The following COL25A1 variants were observed in gnomAD, a reference collection of about 807,000 sequenced individuals.
The protein encoded by COL25A1 is collagen alpha-1(XXV) chain.
A neutral mutation model predicts 128.4 loss-of-function variants in COL25A1; 103 were observed. The observed-to-expected ratio is 0.80, with a 90% CI of 0.68 to 0.94. The LOEUF (loss-of-function observed/expected upper bound fraction) is 0.94. Ranked by LOEUF, COL25A1 falls within the 40% of genes least tolerant of loss-of-function variation. The pLI is 0.00. For synonymous variants in COL25A1, 279 were observed against 277.2 expected (o/e 1.01, Z -0.06); for missense variants, 745 against 840.0 (o/e 0.89, Z 1.40).
chr4:109,006,154 A>G (rs1384393503), intron 6 of COL25A1, among the ~76,000 whole-genome samples: 1 of 152,004 alleles, frequency 6.6e-6, no homozygotes. Context: ...GGAAATTTTA[A>G]GAAAAATTTG....
chr4:109,299,567 C>T (rs997516883), intron 3 of COL25A1, among the ~76,000 whole-genome samples: 1 of 152,008 alleles, frequency 6.6e-6, no homozygotes, highest in Non-Finnish European at 1.5e-5. Context: ...GAGGGGGAAA[C>T]GTTTCAGAAT....
At position 109,171,388 on chromosome 4, in the gene COL25A1, A is replaced by T. The variant is rs143308664; in HGVS notation, c.368-121209T>A. Among the ~76,000 whole-genome samples, 57 of 152,286 alleles carry T rather than the reference A, an allele frequency of 3.7e-4. 2 individuals are homozygous for T. In the East Asian group the frequency reaches 9.8e-3, roughly 26 times the overall value. On this transcript the variant is annotated intron_variant, in intron 3 of 37. Coordinates refer to ENST00000399132, the MANE Select transcript of COL25A1 (RefSeq NM_198721.4). ...TATTTGAAGGTGGGGCCTTTCAGAG[A>T]TAATTAGGTCATGAGGGTGGAATTC...
chr4:108,917,781 C>A (rs2125895174), intron 13 of COL25A1, among the ~76,000 whole-genome samples: 1 of 152,306 alleles, frequency 6.6e-6, no homozygotes, highest in South Asian at 2.1e-4. Flanking sequence ...ATGAGAATAA[C>A]TTTTGTTAGC....
intron 3 of COL25A1, among the ~76,000 whole-genome samples, chr4:109,289,058 T>C (rs1407250612): frequency 1.3e-5 from 2 of 151,972 alleles, no homozygotes; most frequent in African/African-American, 4.8e-5. Flanking sequence ...GTGTAGTTGC[T>C]TTAGTAATGT....
chr4:108,866,852 G>A (rs1031760001), intron 20 of COL25A1, among the ~76,000 whole-genome samples: 5 of 152,196 alleles, frequency 3.3e-5, no homozygotes, highest in African/African-American at 9.7e-5. Context: ...GCACATGCAT[G>A]TTGCTGTTTT....
intron 3 of COL25A1, among the ~76,000 whole-genome samples, chr4:109,170,372 C>T (rs1360313436): frequency 2.0e-5 from 3 of 152,122 alleles, no homozygotes; most frequent in Non-Finnish European, 4.4e-5. Flanking sequence ...AAATAGAGAA[C>T]TGGATTTACT....
intron 5 of COL25A1, among the ~76,000 whole-genome samples, chr4:109,019,197 T>A (rs1632769): frequency 0.51 from 77,046 of 151,324 alleles, 22,278 homozygotes; most frequent in African/African-American, 0.78. Flanking sequence ...CTGCACTGGA[T>A]GCTTCCTGCC....
In COL25A1 at chr4:108,812,616, T is replaced by C. The variant is rs1388120680; in HGVS notation, c.*1311A>G. 6.6e-6 allele frequency: 1 copy of C among 152,116 alleles called. No individual in the cohort carries two copies. Among genetic ancestry groups the C allele is most frequent in the Non-Finnish European group, 1.5e-5 (1 of 68,016 alleles). The allele number at this position is 152,116 out of a possible 1,614,324, so 9.4% of individuals were successfully genotyped here. On this transcript the variant is annotated 3_prime_UTR_variant, in exon 38 of 38. Coordinates refer to ENST00000399132, the MANE Select transcript of COL25A1 (RefSeq NM_198721.4). ...TCTTAAAAAAATTGTTCAAAACATATGTGACAAAAACTGAAACTAATATTT... is the reference window on the plus strand; with the variant it reads ...TCTTAAAAAAATTGTTCAAAACATACGTGACAAAAACTGAAACTAATATTT...
At chr4:109,011,588 T>C (rs1756596172) in intron 5 of COL25A1, among the ~76,000 whole-genome samples, 1 of 152,216 alleles carries the variant, frequency 6.6e-6, no homozygotes, top group African/African-American at 2.4e-5. Context: ...TTATTTCTTA[T>C]AACTGCCCTG....
intron 5 of COL25A1, among the ~76,000 whole-genome samples, chr4:109,044,433 C>T (rs1250748905): frequency 6.6e-6 from 1 of 151,134 alleles, no homozygotes; most frequent in African/African-American, 2.4e-5. Context: ...TGAGATCTGC[C>T]ATTATCCCCT....
intron 3 of COL25A1, among the ~76,000 whole-genome samples, chr4:109,188,814 G>C (rs1177577280): frequency 6.6e-6 from 1 of 151,976 alleles, no homozygotes; most frequent in Non-Finnish European, 1.5e-5. Flanking sequence ...CAAAACAGCA[G>C]GCCTTTCATG....
chr4:108,988,836 A>G lies in COL25A1; in HGVS notation c.439-14277T>C, dbSNP rs140121645. 1.3e-3 allele frequency among the ~76,000 whole-genome samples: 191 copies of G among 152,290 alleles called. 1 individual carries two copies. The highest frequency in any genetic ancestry group is 4.5e-3 in the African/African-American group (187 of 41,562). On this transcript the variant is annotated intron_variant, in intron 6 of 37. Transcript: ENST00000399132. ...GCAACACTTTTCCTCTGGGTCTTCG[A>G]CTAATGGGGCTTTCTCAATTTCCTT...
At chr4:108,889,138 T>C (rs1560810448) in intron 18 of COL25A1, 83 bp downstream of exon 18, 1 of 1,187,916 alleles carries the variant, frequency 8.4e-7, no homozygotes, top group Non-Finnish European at 1.2e-6. Flanking sequence ...TTTGTAATAA[T>C]TGTTTTCATA....
chr4:109,112,360 T>C (rs926615258), intron 3 of COL25A1, among the ~76,000 whole-genome samples: 1 of 152,110 alleles, frequency 6.6e-6, no homozygotes, highest in Non-Finnish European at 1.5e-5. Context: ...TAAAGGCACA[T>C]GTGTCCTTCC....
intron 3 of COL25A1, among the ~76,000 whole-genome samples, chr4:109,140,832 G>C (rs539040822): frequency 6.6e-6 from 1 of 152,234 alleles, no homozygotes; most frequent in South Asian, 2.1e-4. Flanking sequence ...AGAGATTTGG[G>C]GCTGAGATGA....
At chr4:109,253,852 C>T (rs1287418504) in intron 3 of COL25A1, among the ~76,000 whole-genome samples, 1 of 152,024 alleles carries the variant, frequency 6.6e-6, no homozygotes, top group East Asian at 1.9e-4. Flanking sequence ...CTTTGGGAGG[C>T]CAAGGCGGGC....
At chr4:109,053,350 A>G (rs1305301964) in intron 3 of COL25A1, among the ~76,000 whole-genome samples, 1 of 152,228 alleles carries the variant, frequency 6.6e-6, no homozygotes, top group Non-Finnish European at 1.5e-5. Flanking sequence ...CCGTTCATCA[A>G]ATAACAAAGG....
intron 3 of COL25A1, among the ~76,000 whole-genome samples, chr4:109,109,863 C>A (rs942513867): frequency 6.6e-6 from 1 of 152,208 alleles, no homozygotes. Context: ...GGCATCCTCA[C>A]TGACACTCGT....
intron 3 of COL25A1, among the ~76,000 whole-genome samples, chr4:109,093,465 A>AAACAAAAAC (rs1765121051): frequency 7.5e-6 from 1 of 133,740 alleles, no homozygotes; most frequent in African/African-American, 2.8e-5. Flanking sequence ...ATGAAAAAAA[A>AAACAAAAAC]AAAAAAAAAA....
Sources: allele counts gnomAD v4.1 joint callset (sites outside exome capture counted in the v4.1 genomes callset), GRCh38; gene constraint gnomAD v4.1.1; transcripts MANE v1.5; gene names NCBI Gene and HGNC (gene_info 2026-07-23, HGNC 2026-07-21).